CNN3: variants seen among roughly 807,000 people sequenced by gnomAD.
CNN3 encodes the protein calponin 3.
CNN3 carries 11 observed loss-of-function variants against 39.0 expected under a neutral mutation model. The observed-to-expected ratio is 0.28, with a 90% CI of 0.18 to 0.47. CNN3 has a LOEUF of 0.47. Among genes scored for constraint, CNN3 ranks in the 20% least tolerant of loss-of-function variants. The pLI, the probability that CNN3 is intolerant of heterozygous loss-of-function variation, is 0.99. For synonymous variants in CNN3, 101 were observed against 138.3 expected, an observed-to-expected ratio of 0.73 and a Z score of 1.89; for missense variants, 266 against 403.4, an observed-to-expected ratio of 0.66 and a Z score of 2.92.
intron 1 of CNN3, 104 bp from the exon 2 acceptor site, chr1:94,903,628 G>T: frequency 6.8e-7 from 1 of 1,471,482 alleles, no homozygotes; most frequent in Non-Finnish European, 9.3e-7. Flanking sequence ...CCACAGCTGT[G>T]AAGTGTAGTA....
intron 1 of CNN3, among the ~76,000 whole-genome samples, chr1:94,907,026 C>A (rs1196191518): frequency 6.6e-6 from 1 of 152,168 alleles, no homozygotes; most frequent in East Asian, 1.9e-4. Flanking sequence ...AAAAATCAAG[C>A]ACTGGAGTCA....
At chr1:94,905,964 A>C (rs9660177) in intron 1 of CNN3, among the ~76,000 whole-genome samples, 13,960 of 152,242 alleles carry the variant, frequency 0.092, 1,228 homozygotes, top group East Asian at 0.37. Flanking sequence ...AATAAAACAA[A>C]AATTGGCAGA....
chr1:94,908,263 C>T (rs1167136871), intron 1 of CNN3, among the ~76,000 whole-genome samples: 3 of 152,222 alleles, frequency 2.0e-5, no homozygotes, highest in Non-Finnish European at 2.9e-5. Flanking sequence ...ATCCTCCTCC[C>T]TACATTCAGC....
chr1:94,910,409 A>G (rs1166574422), intron 1 of CNN3, among the ~76,000 whole-genome samples: 1 of 152,174 alleles, frequency 6.6e-6, no homozygotes, highest in East Asian at 1.9e-4. Context: ...GTTTAAAATA[A>G]AGAGAGAACA....
At chr1:94,902,809 C>T (rs1415041789) in intron 3 of CNN3, among the ~76,000 whole-genome samples, 1 of 151,926 alleles carries the variant, frequency 6.6e-6, no homozygotes, top group African/African-American at 2.4e-5. Context: ...TTTCCCTTAT[C>T]CTTAAGGTCT....
At chr1:94,903,235 A>G (rs1557908729) in intron 2 of CNN3, 47 bp from the exon 3 acceptor site, 5 of 1,594,894 alleles carry the variant, frequency 3.1e-6, no homozygotes, top group Non-Finnish European at 4.3e-6. Flanking sequence ...GCACACAAAA[A>G]CAAGGATTGA....
At chr1:94,902,832 T>C (rs189787965) in intron 3 of CNN3, among the ~76,000 whole-genome samples, 1 of 152,246 alleles carries the variant, frequency 6.6e-6, no homozygotes, top group Admixed American at 6.5e-5. Flanking sequence ...GTTGCATTTC[T>C]CTGTGTAAGC....
At chr1:94,900,764 G>A (rs1056115697) in intron 5 of CNN3, among the ~76,000 whole-genome samples, 2 of 152,154 alleles carry the variant, frequency 1.3e-5, no homozygotes, top group Admixed American at 6.5e-5. Context: ...GAACAATGAA[G>A]AGAAGGAAAA....
intron 1 of CNN3, among the ~76,000 whole-genome samples, chr1:94,905,679 A>T (rs1191022163): frequency 6.6e-6 from 1 of 152,242 alleles, no homozygotes; most frequent in Non-Finnish European, 1.5e-5. Context: ...ATATTTTCAT[A>T]TTAAGACGAC....
At chr1:94,921,978 C>G (rs1671458832) in intron 1 of CNN3, among the ~76,000 whole-genome samples, 1 of 152,168 alleles carries the variant, frequency 6.6e-6, no homozygotes, top group East Asian at 1.9e-4. Flanking sequence ...AGGCACTGGA[C>G]AAATCCTTGC....
At chr1:94,905,798 C>A (rs1401610400) in intron 1 of CNN3, among the ~76,000 whole-genome samples, 1 of 152,114 alleles carries the variant, frequency 6.6e-6, no homozygotes, top group Non-Finnish European at 1.5e-5. Context: ...TGGTCTCATG[C>A]AATCCTCCCG....
chr1:94,925,852 T>C, intron 1 of CNN3: 2 of 978,412 alleles, frequency 2.0e-6, no homozygotes, highest in Non-Finnish European at 2.4e-6. Context: ...CTGTGCACAG[T>C]TCCGCGCCGA....
At position 94,926,740 on chromosome 1, in the gene CNN3, G is replaced by C; in HGVS notation, c.57+98C>G. ...CTCGACGGCCCCTCTCCAGGAAAAC[G>C]GTGAGCCACAGCGCGAAGAGCAAAC... On this transcript the variant is annotated intron_variant, in intron 1 of 6. Transcript: ENST00000370206. The surrounding 1 kb of genome is among the most constrained non-coding windows in gnomAD (Gnocchi z 4.2). 1.5e-6 allele frequency: 2 copies of C among 1,344,224 alleles called. No individual in the cohort carries two copies. The highest frequency in any genetic ancestry group is 5.1e-5 in the East Asian group (2 of 39,038). 83.3% of individuals were successfully genotyped at this position (1,344,224 alleles called of 1,614,324 possible).
Position 94,897,445 on chromosome 1 carries a change from T to C in CNN3, c.*297A>G, listed in dbSNP as rs3789699. On this transcript the variant is annotated 3_prime_UTR_variant, in exon 7 of 7. Coordinates refer to ENST00000370206, the MANE Select transcript of CNN3 (RefSeq NM_001839.5). ...TTTAATATAAGATTGTAAAAATGCA[T>C]AGATTTTTGCATAAAAGAACTGGCT... is the stretch of plus-strand genomic sequence containing the variant. The C allele has an allele frequency of 0.082, 19,650 of 238,462 alleles. 1,036 individuals carry two copies. Among genetic ancestry groups the C allele is most frequent in the Middle Eastern group, 0.11 (76 of 684 alleles). The allele number at this position is 238,462 out of a possible 1,614,324, so 14.8% of individuals were successfully genotyped here. A position where few individuals can be genotyped will look rare whatever the true frequency, so the allele number is the denominator to read the frequency against.
chr1:94,900,289 A>C (rs1254489312), intron 5 of CNN3, among the ~76,000 whole-genome samples: 3 of 152,190 alleles, frequency 2.0e-5, no homozygotes, highest in Non-Finnish European at 4.4e-5. Context: ...TATAAGCAAA[A>C]AGGAGGGGGG....
Position 94,903,152 on chromosome 1 carries a change from C to T in CNN3, c.216G>A (p.Lys72=). The T allele has an allele frequency of 6.2e-7, 1 of 1,612,498 alleles. No individual in the cohort carries two copies. Among genetic ancestry groups the T allele is most frequent in the East Asian group, 2.2e-5 (1 of 44,816 alleles). ...INKLQPGSVK[K]VNESSLNWPQ... The stretch of plus-strand genomic sequence containing the variant: ...GCCAGTTCAGTGAGGACTCGTTGAC[C>T]TTCTTCACTGAGCCTGGCTGTAGCT... Residue 72 remains lysine, a synonymous_variant, in exon 3 of 7, where the codon AAG becomes AAA. Coordinates refer to ENST00000370206, the MANE Select transcript of CNN3 (RefSeq NM_001839.5).
chr1:94,924,942 A>T (rs1671540335), intron 1 of CNN3, among the ~76,000 whole-genome samples: 1 of 152,236 alleles, frequency 6.6e-6, no homozygotes, highest in African/African-American at 2.4e-5. Context: ...GCTTAAAGGG[A>T]TAAATCCACA....
chr1:94,899,885 A>G (rs1280881240), intron 5 of CNN3, among the ~76,000 whole-genome samples: 1 of 152,220 alleles, frequency 6.6e-6, no homozygotes, highest in African/African-American at 2.4e-5. Context: ...AGGCCAAGCA[A>G]TATGCTGTTC....
intron 1 of CNN3, among the ~76,000 whole-genome samples, chr1:94,919,205 C>T (rs1557915675): frequency 6.6e-6 from 1 of 152,092 alleles, no homozygotes; most frequent in African/African-American, 2.4e-5. Flanking sequence ...GGAAAATCCA[C>T]CCCAGTATTC....
Sources: gnomAD v4.1 joint callset for allele counts (sites outside exome capture counted in the v4.1 genomes callset) on GRCh38, gnomAD v4.1.1 for gene constraint, Gnocchi (gnomAD v3.1) non-coding constraint, MANE v1.5 for transcripts, NCBI Gene and HGNC (gene_info 2026-07-23, HGNC 2026-07-21) for gene names.